CTDSPL2: variants seen among roughly 807,000 people sequenced by gnomAD.
CTDSPL2 encodes the protein CTD small phosphatase-like protein 2.
CTDSPL2 carries 5 observed loss-of-function variants against 60.0 expected under a neutral mutation model. That is an observed-to-expected ratio of 0.08 (90% CI 0.04 to 0.18). CTDSPL2 has a LOEUF of 0.18. CTDSPL2 is among the 10% of genes least tolerant of loss of function. CTDSPL2 has a pLI of 1.00. For synonymous variants in CTDSPL2, 186 were observed against 189.3 expected, an observed-to-expected ratio of 0.98 and a Z score of 0.14; for missense variants, 370 against 548.8, an observed-to-expected ratio of 0.67 and a Z score of 3.26.
intron 1 of CTDSPL2, among the ~76,000 whole-genome samples, chr15:44,453,221 G>C (rs2140672730): frequency 6.6e-6 from 1 of 152,238 alleles, no homozygotes; most frequent in Non-Finnish European, 1.5e-5. Context: ...TCTTGTTCCT[G>C]ATGTTAGAGG....
chr15:44,478,505 G>A (rs150744936), intron 2 of CTDSPL2, among the ~76,000 whole-genome samples: 1,530 of 140,904 alleles, frequency 0.011, 17 homozygotes, highest in Non-Finnish European at 0.017. Flanking sequence ...AGCATATTCT[G>A]AGCTTTTGCA....
At chr15:44,444,331 ACAC>A (rs2080156726) in intron 1 of CTDSPL2, among the ~76,000 whole-genome samples, 1 of 151,490 alleles carries the variant, frequency 6.6e-6, no homozygotes, top group Admixed American at 6.6e-5. Context: ...ACACACACAC[ACAC>A]ACACACAGAC....
rs1290501522 is a variant in CTDSPL2, at chr15:44,528,566, GAAT to G, written c.*4398_*4400del. Reference sequence around the variant, plus strand: ...CAGAGCTTATTCAAGATACATGGAGGAATAATAAAGAAGATTAAGGCTACTGCT... The same window carrying G: ...CAGAGCTTATTCAAGATACATGGAGGAATAAAGAAGATTAAGGCTACTGCT... On this transcript the variant is annotated 3_prime_UTR_variant, in exon 13 of 13. Transcript: ENST00000260327. 6.6e-6 allele frequency: 1 copy of G among 151,670 alleles called. No homozygotes were observed. The highest frequency in any genetic ancestry group is 1.5e-5 in the Non-Finnish European group (1 of 67,968). The allele number at this position is 151,670 out of a possible 1,614,324, so 9.4% of individuals were successfully genotyped here.
At chr15:44,515,953 C>T (rs975463822) in intron 10 of CTDSPL2, among the ~76,000 whole-genome samples, 1 of 149,950 alleles carries the variant, frequency 6.7e-6, no homozygotes, top group Non-Finnish European at 1.5e-5. Context: ...TTCTTTCTCT[C>T]CTCTCTCTTT....
chr15:44,448,217 C>T (rs760739937), intron 1 of CTDSPL2: 6 of 295,082 alleles, frequency 2.0e-5, no homozygotes, highest in East Asian at 9.6e-5. Flanking sequence ...AAGCCCATGC[C>T]GGCACCCATG....
At position 44,427,678 on chromosome 15, in the gene CTDSPL2, T is replaced by C. The variant is rs1420343385; in HGVS notation, c.-119T>C. On this transcript the variant is annotated 5_prime_UTR_variant, in exon 1 of 13. Transcript: ENST00000260327. ...GGCGACTGGCTGAAGGAGCTGGTTC[T>C]GTTGCTGCTGCGGGGTAAGCGGGAA... The C allele has an allele frequency of 2.5e-6, 1 of 399,282 alleles. No individual in the cohort carries two copies. The highest frequency in any genetic ancestry group is 4.4e-6 in the Non-Finnish European group (1 of 226,384). The allele number at this position is 399,282 out of a possible 1,614,324, so 24.7% of individuals were successfully genotyped here.
At chr15:44,490,744 C>T (rs371327729) in intron 4 of CTDSPL2, 40 bp from the exon 5 acceptor site, 94 of 1,488,302 alleles carry the variant, frequency 6.3e-5, no homozygotes, top group Middle Eastern at 2.4e-4. Context: ...TAAATAGGTG[C>T]ATTTTTAAAT....
chr15:44,486,733 T>G, intron 4 of CTDSPL2, 33 bp downstream of exon 4: 1 of 1,442,986 alleles, frequency 6.9e-7, no homozygotes, highest in South Asian at 1.4e-5. Context: ...GATTTGGATT[T>G]TTTTTAAAAA....
rs2081897801 is a variant in CTDSPL2, at chr15:44,527,767, T to C, written c.*3593T>C. 1 of 152,222 alleles carries C rather than the reference T, an allele frequency of 6.6e-6. No homozygotes were observed. Among genetic ancestry groups the C allele is most frequent in the South Asian group, 2.1e-4 (1 of 4,838 alleles). 9.4% of individuals were successfully genotyped at this position (152,222 alleles called of 1,614,324 possible). A position where few individuals can be genotyped will look rare whatever the true frequency, so the allele number is the denominator to read the frequency against. On this transcript the variant is annotated 3_prime_UTR_variant, in exon 13 of 13. Transcript: ENST00000260327. The stretch of plus-strand genomic sequence containing the variant: ...AGAATGTTTATTTTATTTCCCCTTA[T>C]AGGGGAAGAGTGGACTGGGAACAAA...
intron 2 of CTDSPL2, among the ~76,000 whole-genome samples, chr15:44,478,922 C>T (rs1428995241): frequency 2.0e-5 from 3 of 152,144 alleles, no homozygotes; most frequent in Admixed American, 6.6e-5. Flanking sequence ...GAGCCACTGA[C>T]TGCACTTTAG....
At chr15:44,429,824 C>A (rs116253923) in intron 1 of CTDSPL2, among the ~76,000 whole-genome samples, 3 of 152,138 alleles carry the variant, frequency 2.0e-5, no homozygotes, top group African/African-American at 7.2e-5. Context: ...TGAAGACCAC[C>A]CCACTGTACT....
At chr15:44,433,720 G>T (rs1023734428) in intron 1 of CTDSPL2, among the ~76,000 whole-genome samples, 4 of 151,866 alleles carry the variant, frequency 2.6e-5, no homozygotes, top group African/African-American at 9.7e-5. Flanking sequence ...ACCCAGGCTG[G>T]AGTGCAGTGG....
At chr15:44,475,783 C>T (rs940803295) in intron 2 of CTDSPL2, among the ~76,000 whole-genome samples, 3 of 152,086 alleles carry the variant, frequency 2.0e-5, no homozygotes, top group African/African-American at 7.2e-5. Context: ...TGACAGTATA[C>T]TAAATTGTCA....
intron 11 of CTDSPL2, 133 bp downstream of exon 11, chr15:44,519,428 T>C: frequency 1.2e-6 from 1 of 805,394 alleles, no homozygotes; most frequent in Non-Finnish European, 1.9e-6. Flanking sequence ...TGTCATTTTT[T>C]TAGAATTAGA....
chr15:44,508,199 C>T (rs1198983462), intron 8 of CTDSPL2, among the ~76,000 whole-genome samples: 2 of 152,018 alleles, frequency 1.3e-5, no homozygotes. Flanking sequence ...TCTCCTGCCT[C>T]AGCCCCCTGA....
At chr15:44,449,917 G>A (rs2080300144) in intron 1 of CTDSPL2, among the ~76,000 whole-genome samples, 2 of 152,020 alleles carry the variant, frequency 1.3e-5, no homozygotes, top group Admixed American at 1.3e-4. Flanking sequence ...CTTGAACCCA[G>A]GAGGTGGAGG....
At chr15:44,485,741 G>A (rs1476196859) in intron 3 of CTDSPL2, among the ~76,000 whole-genome samples, 2 of 152,126 alleles carry the variant, frequency 1.3e-5, no homozygotes, top group African/African-American at 2.4e-5. Flanking sequence ...AAACACAGCA[G>A]CAATTTCTCC....
Position 44,506,412 on chromosome 15 carries a change from C to CTTTTTT in CTDSPL2, c.969+6615_969+6620dup, listed in dbSNP as rs764238056. On this transcript the variant is annotated intron_variant, in intron 8 of 12. Coordinates refer to ENST00000260327, the MANE Select transcript of CTDSPL2 (RefSeq NM_016396.3). ...TAAGCTTCATTTTATCCTACTTTGA[C>CTTTTTT]TTTTTTTTTTTTTTTTTTTTTGGAG... 4.9e-4 allele frequency among the ~76,000 whole-genome samples: 55 copies of CTTTTTT among 112,386 alleles called. 4 individuals carry two copies. The East Asian group carries it at 9.1e-3, about 19-fold the overall frequency. 73.7% of individuals were successfully genotyped at this position (112,386 alleles called of 152,430 possible). A position where few individuals can be genotyped will look rare whatever the true frequency, so the allele number is the denominator to read the frequency against.
intron 2 of CTDSPL2, among the ~76,000 whole-genome samples, chr15:44,460,247 A>G (rs2080538576): frequency 6.6e-6 from 1 of 152,118 alleles, no homozygotes; most frequent in Non-Finnish European, 1.5e-5. Flanking sequence ...AGTAGCTGGG[A>G]CTACAGGCGC....
Sources: allele counts gnomAD v4.1 joint callset (sites outside exome capture counted in the v4.1 genomes callset), GRCh38; gene constraint gnomAD v4.1.1; transcripts MANE v1.5; gene names NCBI Gene and HGNC (gene_info 2026-07-23, HGNC 2026-07-21).